The following ABHD16A variants were observed in gnomAD, a reference collection of about 807,000 sequenced individuals.
ABHD16A encodes phosphatidylserine lipase ABHD16A.
In ABHD16A, 47 loss-of-function variants were observed where a neutral mutation model predicts 89.8. The observed-to-expected ratio is 0.52, with a 90% CI of 0.41 to 0.67. The LOEUF is 0.67. Among genes scored for constraint, ABHD16A ranks in the 30% least tolerant of loss-of-function variants. ABHD16A has a pLI of 0.00. For synonymous variants in ABHD16A, 251 were observed against 280.4 expected (o/e 0.90, Z 1.05); for missense variants, 580 against 734.6 (o/e 0.79, Z 2.43).
chr6:31,693,023 C>T lies in ABHD16A; in HGVS notation c.626+4G>A. 1 of 1,614,194 alleles carries T rather than the reference C, an allele frequency of 6.2e-7. No individual in the cohort carries two copies. The highest frequency in any genetic ancestry group is 8.5e-7 in the Non-Finnish European group (1 of 1,180,026). ...GTGGGCCTCTCCTCGCTGCTGTTTC[C>T]CACCTGGTGATCTGACAAGGCAGCT... is the stretch of plus-strand genomic sequence containing the variant. On this transcript the variant is annotated splice_donor_region_variant and intron_variant, in intron 7 of 19. Transcript: ENST00000395952. The surrounding 1 kb of genome is among the most constrained non-coding windows in gnomAD (Gnocchi z 5.0).
Position 31,688,384 on chromosome 6 carries a change from G to T in ABHD16A, c.1251-79C>A. On this transcript the variant is annotated intron_variant, in intron 14 of 19. Transcript: ENST00000395952. This position sits in a 1 kb window ranked among gnomAD's most constrained non-coding sequence, Gnocchi z 4.9. The stretch of plus-strand genomic sequence containing the variant: ...CTGGCCCACCCCTATCCCTGCACTG[G>T]TAGCATTCTTACCCTCCCCTTGCTA... 1 of 1,418,784 alleles carries T rather than the reference G, an allele frequency of 7.0e-7. No individual in the cohort carries two copies. Among genetic ancestry groups the T allele is most frequent in the Non-Finnish European group, 9.9e-7 (1 of 1,006,110 alleles). The allele number at this position is 1,418,784 out of a possible 1,614,324, so 87.9% of individuals were successfully genotyped here.
chr6:31,687,180 C>T lies in ABHD16A; in HGVS notation c.*32G>A, dbSNP rs779706751. On this transcript the variant is annotated 3_prime_UTR_variant, in exon 20 of 20. Transcript: ENST00000395952. This position sits in a 1 kb window ranked among gnomAD's most constrained non-coding sequence, Gnocchi z 6.3. ...GGTCTTTCCTCATGTCTCCTCTCAC[C>T]CCATTCTTCCATAATGAGTCCCAGT... 6.3e-7 allele frequency: 1 copy of T among 1,578,516 alleles called. No individual in the cohort carries two copies. The highest frequency in any genetic ancestry group is 2.2e-5 in the East Asian group (1 of 44,654).
At chr6:31,689,554 A>C (rs1303105220) in intron 12 of ABHD16A, 27 bp downstream of exon 12, 38 of 1,559,116 alleles carry the variant, frequency 2.4e-5, no homozygotes, top group Non-Finnish European at 3.0e-5. Context: ...ATGTGTCTAC[A>C]GTGGGGGATG....
At chr6:31,696,826 C>A in intron 5 of ABHD16A, 122 bp downstream of exon 5, 1 of 919,492 alleles carries the variant, frequency 1.1e-6, no homozygotes, top group South Asian at 1.4e-5. Flanking sequence ...AGCAAACACC[C>A]AGTGTGGTGG....
chr6:31,693,591 T>A lies in ABHD16A; in HGVS notation c.430-159A>T, dbSNP rs561606238. On this transcript the variant is annotated intron_variant, in intron 5 of 19. Transcript: ENST00000395952. The surrounding 1 kb of genome is among the most constrained non-coding windows in gnomAD (Gnocchi z 5.0). ...CTCCCAATTCTCAGATGGAAAATTC[T>A]AACAGGACCAGAAAATCAGGGGAGA... Among the ~76,000 whole-genome samples the A allele has an allele frequency of 1.3e-5, 2 of 152,324 alleles. No homozygotes were observed. The highest frequency in any genetic ancestry group is 3.9e-4 in the East Asian group (2 of 5,180).
chr6:31,699,923 T>C (rs1461804971), intron 4 of ABHD16A, among the ~76,000 whole-genome samples: 2 of 151,964 alleles, frequency 1.3e-5, no homozygotes, highest in African/African-American at 2.4e-5. Context: ...TTTTTTTGTA[T>C]GTTTAGTAGA....
chr6:31,702,683 G>C (rs889388046), intron 1 of ABHD16A: 17 of 1,545,796 alleles, frequency 1.1e-5, no homozygotes, highest in Non-Finnish European at 1.4e-5. Flanking sequence ...TTGAGGGGAG[G>C]ACCGACGGAT....
rs1447149477 is a variant in ABHD16A, at chr6:31,691,600, A to G, written c.822T>C (p.Ala274=). Residue 274 remains alanine (A), a synonymous_variant, in exon 9 of 20, where the codon GCT becomes GCC. Transcript: ENST00000395952. Reference sequence around the variant, plus strand: ...TTACCAGCTTCTGTCCCTGGGGCTCAGCTGTCCCCCGCCGGTCCACAAACA... The same window carrying G: ...TTACCAGCTTCTGTCCCTGGGGCTCGGCTGTCCCCCGCCGGTCCACAAACA... The part of the protein sequence containing the change: ...DTMFVDRRGT[A]EPQGQKLVIC... The G allele has an allele frequency of 1.9e-6, 3 of 1,612,966 alleles. No individual in the cohort carries two copies. Among genetic ancestry groups the G allele is most frequent in the Non-Finnish European group, 2.5e-6 (3 of 1,180,000 alleles).
In ABHD16A at chr6:31,690,488, G is replaced by A; in HGVS notation, c.907+51C>T. ...GAGGTCAGGTCAGTGTGGGAGGCAG[G>A]GACATTCCCTTTCAAAGGGCGGAGA... On this transcript the variant is annotated intron_variant, in intron 10 of 19. Transcript: ENST00000395952. This position sits in a 1 kb window ranked among gnomAD's most constrained non-coding sequence, Gnocchi z 4.1. 1 of 1,591,132 alleles carries A rather than the reference G, an allele frequency of 6.3e-7. No homozygotes were observed. Among genetic ancestry groups the A allele is most frequent in the South Asian group, 1.1e-5 (1 of 90,644 alleles).
At chr6:31,702,686 C>A in intron 1 of ABHD16A, 3 of 1,544,762 alleles carry the variant, frequency 1.9e-6, no homozygotes, top group Non-Finnish European at 2.6e-6. Flanking sequence ...AGGGGAGGAC[C>A]GACGGATACA....
rs1026511340 is a variant in ABHD16A, at chr6:31,687,071, G to A, written c.*141C>T. ...CATGAATGAGGGGAAACGTGCAAGAGGAACAGTGGTGAGAAGGGGGATGGT... is the reference window on the plus strand; with the variant it reads ...CATGAATGAGGGGAAACGTGCAAGAAGAACAGTGGTGAGAAGGGGGATGGT... On this transcript the variant is annotated 3_prime_UTR_variant, in exon 20 of 20. Transcript: ENST00000395952. This position sits in a 1 kb window ranked among gnomAD's most constrained non-coding sequence, Gnocchi z 6.3. 10 of 762,514 alleles carry A rather than the reference G, an allele frequency of 1.3e-5. No individual in the cohort carries two copies. The highest frequency in any genetic ancestry group is 1.9e-5 in the Non-Finnish European group (9 of 465,358). The allele number at this position is 762,514 out of a possible 1,614,324, so 47.2% of individuals were successfully genotyped here.
At position 31,698,361 on chromosome 6, in the gene ABHD16A, T is replaced by G. The variant is rs1241997961; in HGVS notation, c.344-1328A>C. Among the ~76,000 whole-genome samples, 6 of 152,092 alleles carry G rather than the reference T, an allele frequency of 3.9e-5. No homozygotes were observed. Among genetic ancestry groups the G allele is most frequent in the Non-Finnish European group, 5.9e-5 (4 of 68,008 alleles). On this transcript the variant is annotated intron_variant, in intron 4 of 19. Coordinates refer to ENST00000395952, the MANE Select transcript of ABHD16A (RefSeq NM_021160.3). This position sits in a 1 kb window ranked among gnomAD's most constrained non-coding sequence, Gnocchi z 4.1. ...CAACCCTAACTGTGGTGCTTTAGTA[T>G]TTTGTTGACAGAAAGCATTTAAAGC...
chr6:31,692,811 C>CT, intron 7 of ABHD16A: 2 of 353,132 alleles, frequency 5.7e-6, no homozygotes. Flanking sequence ...TATCCCAGTT[C>CT]TTTACTTACT....
intron 7 of ABHD16A, chr6:31,692,757 C>A: frequency 3.6e-6 from 1 of 279,982 alleles, no homozygotes; most frequent in Non-Finnish European, 6.8e-6. Flanking sequence ...CCCCACCCCA[C>A]CCCCACTGCT....
Position 31,698,578 on chromosome 6 carries a change from C to T in ABHD16A, c.344-1545G>A, listed in dbSNP as rs1471380099. Among the ~76,000 whole-genome samples the T allele has an allele frequency of 1.3e-5, 2 of 152,024 alleles. No individual in the cohort carries two copies. The highest frequency in any genetic ancestry group is 4.8e-5 in the African/African-American group (2 of 41,410). ...TCGGCTCACTGCAACCTCCGCCTCC[C>T]GGGTTCAAGTGATTCTCCTGCCACA... On this transcript the variant is annotated intron_variant, in intron 4 of 19. Transcript: ENST00000395952. This position sits in a 1 kb window ranked among gnomAD's most constrained non-coding sequence, Gnocchi z 4.1.
chr6:31,699,423 A>G (rs1274020228), intron 4 of ABHD16A, among the ~76,000 whole-genome samples: 3 of 151,022 alleles, frequency 2.0e-5, no homozygotes, highest in South Asian at 2.1e-4. Flanking sequence ...AAAAAAAAAA[A>G]AAAAAAGAAA....
rs931890371 is a variant in ABHD16A at position 31,701,008 on chromosome 6, C to T, written c.277G>A (p.Val93Met). 6.2e-7 allele frequency: 1 copy of T among 1,613,922 alleles called. No individual in the cohort carries two copies. The highest frequency in any genetic ancestry group is 8.5e-7 in the Non-Finnish European group (1 of 1,179,944). The change falls in exon 4 of 20, where the codon GTG becomes ATG. Residue 93 changes from valine (V) to methionine (M), a missense_variant. Coordinates refer to ENST00000395952, the MANE Select transcript of ABHD16A (RefSeq NM_021160.3). Reference protein sequence around the residue: ...YRKGYLSLSKVVPFSHYAGTL... With the variant: ...YRKGYLSLSKMVPFSHYAGTL... ...CCAGCATAGTGAGAAAACGGCACCA[C>T]TTTGGACAAACTCAAGTAACCTGGG...
In ABHD16A at chr6:31,693,086, G is replaced by A; in HGVS notation, c.567C>T (p.His189=). 4 of 1,614,182 alleles carry A rather than the reference G, an allele frequency of 2.5e-6. No homozygotes were observed. The highest frequency in any genetic ancestry group is 3.4e-6 in the Non-Finnish European group (4 of 1,180,032). Residue 189 remains histidine (H), a synonymous_variant, in exon 7 of 20, where the codon CAC becomes CAT. Transcript: ENST00000395952. This position sits in a 1 kb window ranked among gnomAD's most constrained non-coding sequence, Gnocchi z 5.0. ...GVALLRPEPL[H]RGTADTLLNR... The stretch of plus-strand genomic sequence containing the variant: ...TGAGGAGGGTGTCTGCTGTCCCCCG[G>A]TGCAGGGGCTCTGGGCGAAGCAGGG...
chr6:31,702,881 C>CCA, intron 1 of ABHD16A: 1 of 1,340,516 alleles, frequency 7.5e-7, no homozygotes, highest in Non-Finnish European at 9.6e-7. Flanking sequence ...CCGGCACGAA[C>CCA]CACGACACAC....
Sources: allele counts gnomAD v4.1 joint callset (sites outside exome capture counted in the v4.1 genomes callset), GRCh38; gene constraint gnomAD v4.1.1; non-coding constraint Gnocchi (gnomAD v3.1); transcripts MANE v1.5; gene names NCBI Gene and HGNC (gene_info 2026-07-23, HGNC 2026-07-21).